Variants in MICU2 observed in about 807,000 individuals in gnomAD.
The protein encoded by MICU2 is mitochondrial calcium uptake 2, also known as calcium uptake protein 2, mitochondrial.
In MICU2, 64 loss-of-function variants were observed where a neutral mutation model predicts 60.4. That is an observed-to-expected ratio of 1.06 (90% CI 0.87 to 1.31). The LOEUF is 1.31. Ranked by LOEUF, MICU2 falls within the 50% of genes most tolerant of loss-of-function variation. The probability of loss-of-function intolerance (pLI) is 0.00; values close to 1 mark genes in which losing one functional copy is unlikely to be tolerated. For missense variants in MICU2, 569 were observed against 531.0 expected (o/e 1.07, Z -0.70); for synonymous variants, 201 against 175.0 (o/e 1.15, Z -1.17).
chr13:21,525,401 C>T (rs939286315), intron 4 of MICU2, among the ~76,000 whole-genome samples: 5 of 151,732 alleles, frequency 3.3e-5, no homozygotes, highest in African/African-American at 9.7e-5. Flanking sequence ...CCATGTTAGC[C>T]AGGATGATCT....
intron 1 of MICU2, among the ~76,000 whole-genome samples, chr13:21,577,036 C>G (rs1027102689): frequency 6.6e-6 from 1 of 152,170 alleles, no homozygotes; most frequent in Non-Finnish European, 1.5e-5. Context: ...AATTATACTT[C>G]TTTTAAAAAA....
At chr13:21,525,258 T>G (rs1015877495) in intron 4 of MICU2, among the ~76,000 whole-genome samples, 5 of 139,794 alleles carry the variant, frequency 3.6e-5, no homozygotes, top group African/African-American at 1.1e-4. Context: ...AGTGGTGCGA[T>G]CTCGGCTCAC....
At chr13:21,575,185 A>C (rs1255072940) in intron 1 of MICU2, among the ~76,000 whole-genome samples, 2 of 152,052 alleles carry the variant, frequency 1.3e-5, no homozygotes, top group African/African-American at 4.8e-5. Context: ...ATACACACAT[A>C]ATTTTTTTTT....
intron 2 of MICU2, among the ~76,000 whole-genome samples, chr13:21,563,076 A>G (rs1009355216): frequency 2.0e-5 from 3 of 152,208 alleles, no homozygotes; most frequent in Non-Finnish European, 4.4e-5. Flanking sequence ...AAAGAAATAT[A>G]TAATTCTTAC....
chr13:21,539,999 C>G lies in MICU2; in HGVS notation c.359-311G>C, dbSNP rs551106069. ...TATGAATCATATTATTAATTCTTGT[C>G]AAACATAATTTCTTCACATGATTAT... On this transcript the variant is annotated intron_variant, in intron 2 of 11. Transcript: ENST00000382374. Among the ~76,000 whole-genome samples the G allele has an allele frequency of 3.7e-3, 566 of 152,212 alleles. 2 individuals are homozygous for G. Among genetic ancestry groups the G allele is most frequent in the African/African-American group, 0.013 (543 of 41,544 alleles).
chr13:21,529,573 G>A (rs1437709068), intron 4 of MICU2, among the ~76,000 whole-genome samples: 1 of 152,234 alleles, frequency 6.6e-6, no homozygotes, highest in African/African-American at 2.4e-5. Context: ...GGAGGTGGAA[G>A]AGGGCCAATG....
chr13:21,593,948 T>C (rs1486575623), intron 1 of MICU2, among the ~76,000 whole-genome samples: 1 of 152,068 alleles, frequency 6.6e-6, no homozygotes, highest in Non-Finnish European at 1.5e-5. Context: ...ACCTAGGCAA[T>C]ACCATTCAGG....
chr13:21,588,526 T>C (rs559890977), intron 1 of MICU2, among the ~76,000 whole-genome samples: 3 of 152,330 alleles, frequency 2.0e-5, no homozygotes, highest in Admixed American at 1.3e-4. Context: ...GTTCACTTCG[T>C]GTCTCTCATG....
At chr13:21,542,356 T>C (rs1887304154) in intron 2 of MICU2, among the ~76,000 whole-genome samples, 1 of 152,198 alleles carries the variant, frequency 6.6e-6, no homozygotes, top group Non-Finnish European at 1.5e-5. Flanking sequence ...GGACAATATT[T>C]TTCTATTTAA....
chr13:21,501,579 C>T (rs998993959), intron 9 of MICU2, among the ~76,000 whole-genome samples: 13 of 152,166 alleles, frequency 8.5e-5, no homozygotes, highest in African/African-American at 3.1e-4. Flanking sequence ...CTAGTTTCTT[C>T]CCAATAATTC....
intron 9 of MICU2, among the ~76,000 whole-genome samples, chr13:21,502,615 A>AT (rs1367527134): frequency 6.6e-6 from 1 of 152,154 alleles, no homozygotes; most frequent in African/African-American, 2.4e-5. Flanking sequence ...CCCCTTTCAC[A>AT]TTTTTATACT....
intron 1 of MICU2, among the ~76,000 whole-genome samples, chr13:21,598,664 C>T (rs373321111): frequency 1.8e-4 from 27 of 151,918 alleles, no homozygotes; most frequent in African/African-American, 6.3e-4. Flanking sequence ...TGCAGTGAGT[C>T]GAGATTGCAC....
chr13:21,567,011 C>A, intron 1 of MICU2, 67 bp from the exon 2 acceptor site: 1 of 1,351,892 alleles, frequency 7.4e-7, no homozygotes, highest in Non-Finnish European at 1.0e-6. Context: ...CTAGGACAAT[C>A]TTTAAAAAGT....
chr13:21,492,780 A>C lies in MICU2; in HGVS notation c.*469T>G, dbSNP rs1885889472. 6.6e-6 allele frequency: 1 copy of C among 152,430 alleles called. No homozygotes were observed. The highest frequency in any genetic ancestry group is 6.5e-5 in the Admixed American group (1 of 15,288). The allele number at this position is 152,430 out of a possible 1,614,324, so 9.4% of individuals were successfully genotyped here. A position where few individuals can be genotyped will look rare whatever the true frequency, so the allele number is the denominator to read the frequency against. ...TTTAAAGACAATAAACAGCTAAGCT[A>C]CTGACATAAAATATGCAATAAATTT... On this transcript the variant is annotated 3_prime_UTR_variant, in exon 12 of 12. Transcript: ENST00000382374.
chr13:21,495,446 C>A, intron 10 of MICU2, 128 bp from the exon 11 acceptor site: 1 of 861,478 alleles, frequency 1.2e-6, no homozygotes, highest in Non-Finnish European at 1.7e-6. Flanking sequence ...AAAACAAAAA[C>A]AAAAATACCC....
intron 1 of MICU2, among the ~76,000 whole-genome samples, chr13:21,594,976 T>C (rs761529447): frequency 2.4e-4 from 37 of 152,162 alleles, no homozygotes; most frequent in Admixed American, 5.9e-4. Context: ...TTGCATGTTC[T>C]GCACATGTAT....
intron 2 of MICU2, among the ~76,000 whole-genome samples, chr13:21,546,180 G>A (rs951496115): frequency 6.6e-6 from 1 of 151,844 alleles, no homozygotes; most frequent in Non-Finnish European, 1.5e-5. Flanking sequence ...GTCTCTGGTT[G>A]TATTTTTTCT....
intron 1 of MICU2, among the ~76,000 whole-genome samples, chr13:21,581,942 T>A (rs1396530240): frequency 6.6e-6 from 1 of 152,244 alleles, no homozygotes. Flanking sequence ...AGCTTGGTCT[T>A]TAACAAAACC....
intron 6 of MICU2, among the ~76,000 whole-genome samples, chr13:21,518,687 T>C (rs1455071201): frequency 6.6e-6 from 1 of 152,208 alleles, no homozygotes; most frequent in East Asian, 1.9e-4. Context: ...GGCCTTTTCA[T>C]ACAAATTACC....
Sources: gnomAD v4.1 joint callset for allele counts (sites outside exome capture counted in the v4.1 genomes callset) on GRCh38, gnomAD v4.1.1 for gene constraint, MANE v1.5 for transcripts, NCBI Gene and HGNC (gene_info 2026-07-23, HGNC 2026-07-21) for gene names.